Variants in RIT2 observed in about 807,000 individuals in gnomAD.
RIT2 encodes the protein GTP-binding protein Rit2.
A neutral mutation model predicts 23.7 loss-of-function variants in RIT2; 24 were observed. The observed-to-expected ratio is 1.01, with a 90% CI of 0.73 to 1.43. The LOEUF (loss-of-function observed/expected upper bound fraction) is 1.43, where lower values mean the gene tolerates loss of function less well. Among genes scored for constraint, RIT2 ranks in the 40% most tolerant of loss-of-function variants. RIT2 has a pLI of 0.00. For synonymous variants in RIT2, 107 were observed against 91.1 expected, an observed-to-expected ratio of 1.17 and a Z score of -0.99; for missense variants, 236 against 266.9, an observed-to-expected ratio of 0.88 and a Z score of 0.81.
At chr18:43,109,037 T>G (rs4130810) in intron 1 of RIT2, among the ~76,000 whole-genome samples, 22,235 of 152,228 alleles carry the variant, frequency 0.15, 1,826 homozygotes, top group Non-Finnish European at 0.18. Flanking sequence ...TTGCTTGCCT[T>G]GATTTAATTC....
intron 2 of RIT2, among the ~76,000 whole-genome samples, chr18:43,002,054 C>A (rs1164884131): frequency 2.6e-5 from 4 of 151,912 alleles, no homozygotes; most frequent in Non-Finnish European, 5.9e-5. Flanking sequence ...AGGCCATCGG[C>A]AAGCTGAGTA....
chr18:42,814,468 C>G (rs1905939114), intron 4 of RIT2, among the ~76,000 whole-genome samples: 1 of 152,142 alleles, frequency 6.6e-6, no homozygotes, highest in Admixed American at 6.5e-5. Flanking sequence ...CCCTGACAAC[C>G]TGCATGACAT....
chr18:43,024,865 A>AGAT (rs1911675588), intron 2 of RIT2, among the ~76,000 whole-genome samples: 3 of 152,212 alleles, frequency 2.0e-5, no homozygotes, highest in Non-Finnish European at 4.4e-5. Flanking sequence ...GAGGAATGCA[A>AGAT]ATTAGAACAA....
intron 4 of RIT2, among the ~76,000 whole-genome samples, chr18:42,789,574 T>G (rs1913996172): frequency 1.3e-5 from 2 of 152,192 alleles, no homozygotes; most frequent in South Asian, 4.1e-4. Context: ...TCCCAGGTAT[T>G]TTTTTAGAGA....
intron 4 of RIT2, among the ~76,000 whole-genome samples, chr18:42,921,928 T>C (rs1312401797): frequency 6.6e-6 from 1 of 152,154 alleles, no homozygotes; most frequent in South Asian, 2.1e-4. Flanking sequence ...TCTGCCAAGT[T>C]ATCTAAAATA....
rs547293623 is a variant in RIT2 at position 42,805,096 on chromosome 18, G to C, written c.427-61376C>G. Among the ~76,000 whole-genome samples, 4 of 152,282 alleles carry C rather than the reference G, an allele frequency of 2.6e-5. No homozygotes were observed. In the South Asian group the frequency reaches 6.2e-4, roughly 24 times the overall value. ...ACCAATGGTTCTAAATAGTTTATGT[G>C]AGTTACATCTATTGACTTTTACCAT... On this transcript the variant is annotated intron_variant, in intron 4 of 4. Coordinates refer to ENST00000326695, the MANE Select transcript of RIT2 (RefSeq NM_002930.4).
chr18:43,113,605 A>G (rs1479442834), intron 1 of RIT2, among the ~76,000 whole-genome samples: 1 of 152,186 alleles, frequency 6.6e-6, no homozygotes, highest in East Asian at 1.9e-4. Context: ...AATAGAAGAT[A>G]AAATATCACC....
intron 1 of RIT2, among the ~76,000 whole-genome samples, chr18:43,094,823 T>C (rs1051521424): frequency 2.0e-5 from 3 of 152,094 alleles, no homozygotes; most frequent in African/African-American, 7.2e-5. Flanking sequence ...TGGTTTTCTG[T>C]CCTTGTGATA....
intron 4 of RIT2, among the ~76,000 whole-genome samples, chr18:42,794,246 C>T (rs1310800000): frequency 1.3e-5 from 2 of 152,112 alleles, no homozygotes; most frequent in Non-Finnish European, 2.9e-5. Flanking sequence ...CTTCCCCAGG[C>T]ATAAAGAATG....
At chr18:43,016,421 G>C (rs1238489413) in intron 2 of RIT2, among the ~76,000 whole-genome samples, 1 of 151,680 alleles carries the variant, frequency 6.6e-6, no homozygotes, top group Admixed American at 6.6e-5. Context: ...AGAAAAAAAG[G>C]CTCAGATTGG....
chr18:42,851,595 C>A (rs966338364), intron 4 of RIT2, among the ~76,000 whole-genome samples: 11 of 152,128 alleles, frequency 7.2e-5, no homozygotes, highest in African/African-American at 2.7e-4. Context: ...CTCAGGCCTG[C>A]AATCCCAGGA....
chr18:43,078,643 G>C (rs1382941425), intron 1 of RIT2, among the ~76,000 whole-genome samples: 1 of 152,182 alleles, frequency 6.6e-6, no homozygotes, highest in African/African-American at 2.4e-5. Flanking sequence ...TCAGGGAAAA[G>C]AGCATGGCCA....
intron 4 of RIT2, among the ~76,000 whole-genome samples, chr18:42,857,151 T>C (rs988080134): frequency 1.3e-5 from 2 of 152,104 alleles, no homozygotes; most frequent in African/African-American, 2.4e-5. Flanking sequence ...CTAGGGTTAG[T>C]TGTGATACTA....
intron 2 of RIT2, among the ~76,000 whole-genome samples, chr18:43,018,610 GAA>G (rs1344779456): frequency 4.6e-5 from 7 of 151,822 alleles, no homozygotes; most frequent in Non-Finnish European, 4.4e-5. Context: ...AGGAGAGAAT[GAA>G]AAGACATATT....
chr18:42,983,954 A>G (rs1478667687), intron 2 of RIT2, among the ~76,000 whole-genome samples: 1 of 152,112 alleles, frequency 6.6e-6, no homozygotes, highest in Non-Finnish European at 1.5e-5. Flanking sequence ...GTTTCCTACA[A>G]CAATTTAAAG....
intron 4 of RIT2, among the ~76,000 whole-genome samples, chr18:42,790,489 C>T (rs1321535880): frequency 6.6e-6 from 1 of 152,198 alleles, no homozygotes; most frequent in Admixed American, 6.5e-5. Flanking sequence ...GTCGCCTAGG[C>T]CGGAATGCAG....
intron 4 of RIT2, among the ~76,000 whole-genome samples, chr18:42,834,498 T>C (rs1906545003): frequency 6.6e-6 from 1 of 152,052 alleles, no homozygotes; most frequent in Non-Finnish European, 1.5e-5. Flanking sequence ...ATACCTGCAA[T>C]GATGGGAGTG....
intron 4 of RIT2, among the ~76,000 whole-genome samples, chr18:42,747,115 G>A (rs1211876631): frequency 6.6e-6 from 1 of 151,880 alleles, no homozygotes; most frequent in Admixed American, 6.6e-5. Context: ...TAAAACTGAT[G>A]CAGTTTCCTG....
intron 1 of RIT2, among the ~76,000 whole-genome samples, chr18:43,094,192 A>G (rs528963073): frequency 1.3e-3 from 197 of 149,582 alleles, no homozygotes; most frequent in African/African-American, 4.7e-3. Flanking sequence ...TGGAAGATAC[A>G]GAAGATCAAG....
Sources: allele counts gnomAD v4.1 joint callset (sites outside exome capture counted in the v4.1 genomes callset), GRCh38; gene constraint gnomAD v4.1.1; transcripts MANE v1.5; gene names NCBI Gene and HGNC (gene_info 2026-07-23, HGNC 2026-07-21).